Variants in SNTA1 observed in about 807,000 individuals in gnomAD.
SNTA1 encodes the protein syntrophin alpha 1, also known as alpha-1-syntrophin.
SNTA1 carries 31 observed loss-of-function variants against 47.1 expected under a neutral mutation model. The observed-to-expected ratio is 0.66, with a 90% CI of 0.49 to 0.89. The LOEUF (loss-of-function observed/expected upper bound fraction) is 0.89, where lower values mean the gene tolerates loss of function less well. Ranked by LOEUF, SNTA1 falls within the 40% of genes least tolerant of loss-of-function variation. SNTA1 has a pLI of 0.00. For missense variants in SNTA1, 575 were observed against 693.0 expected (o/e 0.83, Z 1.91); for synonymous variants, 300 against 313.6 (o/e 0.96, Z 0.46).
At chr20:33,419,674 T>C (rs967498954) in intron 2 of SNTA1, among the ~76,000 whole-genome samples, 3 of 152,140 alleles carry the variant, frequency 2.0e-5, no homozygotes, top group Non-Finnish European at 4.4e-5. Flanking sequence ...TCCCCTCTTT[T>C]TCCTTTGCTA....
At position 33,410,191 on chromosome 20, in the gene SNTA1, C is replaced by G; in HGVS notation, c.1181G>C (p.Arg394Pro). 1 of 1,614,100 alleles carries G rather than the reference C, an allele frequency of 6.2e-7. No homozygotes were observed. The highest frequency in any genetic ancestry group is 1.1e-5 in the South Asian group (1 of 91,074). Residue 394 changes from arginine to proline, a missense_variant, in exon 6 of 8, where the codon CGC becomes CCC. By Grantham distance (103) the Arg-to-Pro change is moderately radical. Coordinates refer to ENST00000217381, the MANE Select transcript of SNTA1 (RefSeq NM_003098.3). ...ESPQELAAWT[R>P]QLVDGCHRAA... Reference sequence around the variant, plus strand: ...CCGGTGACAGCCATCCACAAGCTGGCGGGTCCAGGCAGCCAGCTCCTGCGG... The same window carrying G: ...CCGGTGACAGCCATCCACAAGCTGGGGGGTCCAGGCAGCCAGCTCCTGCGG...
chr20:33,411,180 T>C (rs1989732472), intron 5 of SNTA1, among the ~76,000 whole-genome samples: 1 of 152,088 alleles, frequency 6.6e-6, no homozygotes, highest in South Asian at 2.1e-4. Context: ...CGCCACAGAC[T>C]GCTGCTGACA....
rs1438933400 is a variant in SNTA1, at chr20:33,410,259, G to A, written c.1113C>T (p.Gly371=). 3.1e-6 allele frequency: 5 copies of A among 1,613,070 alleles called. No homozygotes were observed. Among genetic ancestry groups the A allele is most frequent in the East Asian group, 2.2e-5 (1 of 44,862 alleles). The change falls in exon 6 of 8, where the codon GGC becomes GGT. Residue 371 remains glycine, a synonymous_variant. Transcript: ENST00000217381. ...GGTGAGTGTCCACACCGTGACGCGTGCCCGTGCGCAGGGCAAAAGAGAGCT... is the reference window on the plus strand; with the variant it reads ...GGTGAGTGTCCACACCGTGACGCGTACCCGTGCGCAGGGCAAAAGAGAGCT... ...DAELSFALRT[G]TRHGVDTHLF...
chr20:33,428,658 C>T (rs1052845503), intron 2 of SNTA1, among the ~76,000 whole-genome samples: 3 of 151,912 alleles, frequency 2.0e-5, no homozygotes, highest in Non-Finnish European at 2.9e-5. Context: ...TGGGTACAGC[C>T]TTGAACTCCT....
chr20:33,412,681 A>G lies in SNTA1; in HGVS notation c.803T>C (p.Val268Ala). ...RSWATAIQAQ[V>A]NTLTPRVKDE... is the part of the protein sequence containing the mutation. The stretch of plus-strand genomic sequence containing the variant: ...CTTGACCCGCGGCGTCAGAGTATTG[A>G]CCTGGGCTTGGATGGCAGTCGCCCA... Residue 268 changes from valine to alanine, a missense_variant, in exon 4 of 8, where the codon GTC (valine) becomes GCC (alanine). Val to Ala is a moderately conservative substitution (Grantham distance 64, BLOSUM62 0). Transcript: ENST00000217381. The G allele has an allele frequency of 6.2e-7, 1 of 1,613,762 alleles. No individual in the cohort carries two copies. Among genetic ancestry groups the G allele is most frequent in the Non-Finnish European group, 8.5e-7 (1 of 1,179,990 alleles).
intron 2 of SNTA1, among the ~76,000 whole-genome samples, chr20:33,428,467 C>A (rs1395370093): frequency 6.6e-6 from 1 of 151,882 alleles, no homozygotes; most frequent in East Asian, 1.9e-4. Context: ...CTTACATGTT[C>A]TCAACTTATT....
Position 33,408,175 on chromosome 20 carries a change from G to A in SNTA1, c.*332C>T, listed in dbSNP as rs1016596743. 8.9e-5 allele frequency: 34 copies of A among 380,582 alleles called. No homozygotes were observed. Among genetic ancestry groups the A allele is most frequent in the Middle Eastern group, 8.1e-4 (1 of 1,232 alleles). The allele number at this position is 380,582 out of a possible 1,614,324, so 23.6% of individuals were successfully genotyped here. On this transcript the variant is annotated 3_prime_UTR_variant, in exon 8 of 8. Coordinates refer to ENST00000217381, the MANE Select transcript of SNTA1 (RefSeq NM_003098.3). ...TGGCTTAGGGGCCTCGAGGAGGCCC[G>A]GCAGCTCAGCTGTTGGCTGGGGTCA...
chr20:33,443,196 C>A lies in SNTA1; in HGVS notation c.310+115G>T, dbSNP rs1990621718. The A allele has an allele frequency of 3.9e-6, 3 of 770,524 alleles. No individual in the cohort carries two copies. The South Asian group carries it at 6.5e-5, about 17-fold the overall frequency. 47.7% of individuals were successfully genotyped at this position (770,524 alleles called of 1,614,324 possible). ...TCCGTTACCTGTTTCCTCAGACCCC[C>A]CTTACCCCCAGACAGGAAGCCTCCA... On this transcript the variant is annotated intron_variant, in intron 1 of 7. Coordinates refer to ENST00000217381, the MANE Select transcript of SNTA1 (RefSeq NM_003098.3).
chr20:33,414,846 C>T (rs1310159046), intron 3 of SNTA1, among the ~76,000 whole-genome samples: 1 of 152,206 alleles, frequency 6.6e-6, no homozygotes, highest in Non-Finnish European at 1.5e-5. Context: ...TGAGCATCTA[C>T]AGCAGCCTGA....
chr20:33,437,749 G>A (rs1233647297), intron 2 of SNTA1, among the ~76,000 whole-genome samples: 1 of 152,168 alleles, frequency 6.6e-6, no homozygotes, highest in African/African-American at 2.4e-5. Context: ...AGGCCCCCAC[G>A]GGGCTTCCAG....
chr20:33,414,583 G>A (rs934402885), intron 3 of SNTA1, among the ~76,000 whole-genome samples: 1 of 152,162 alleles, frequency 6.6e-6, no homozygotes, highest in Non-Finnish European at 1.5e-5. Context: ...GACAGAGCGA[G>A]ATCCCCCATC....
intron 1 of SNTA1, among the ~76,000 whole-genome samples, chr20:33,441,573 G>A (rs2146812015): frequency 6.6e-6 from 1 of 152,222 alleles, no homozygotes; most frequent in Middle Eastern, 3.4e-3. Context: ...CCTGAAACTA[G>A]GGGCTTCAGT....
intron 5 of SNTA1, among the ~76,000 whole-genome samples, chr20:33,410,949 CT>C (rs1989725770): frequency 6.6e-6 from 1 of 152,134 alleles, no homozygotes; most frequent in Non-Finnish European, 1.5e-5. Flanking sequence ...AGTCCAGGAC[CT>C]AGTTATCCCT....
chr20:33,408,844 C>T lies in SNTA1; in HGVS notation c.1282G>A (p.Asp428Asn), dbSNP rs773499608. The T allele has an allele frequency of 2.5e-6, 4 of 1,614,056 alleles. No homozygotes were observed. Among genetic ancestry groups the T allele is most frequent in the Admixed American group, 1.7e-5 (1 of 60,008 alleles). ...GRPCSLSVHIDKGFTLWAAEP... is the reference protein window; with the variant it reads ...GRPCSLSVHINKGFTLWAAEP... ...GCCGCCCACAGTGTGAAGCCCTTGT[C>T]GATGTGCACAGACAGGCTGCAGGGA... is the stretch of plus-strand genomic sequence containing the variant. The change falls in exon 7 of 8, where the codon GAC becomes AAC. Residue 428 changes from aspartate to asparagine, a missense_variant. Coordinates refer to ENST00000217381, the MANE Select transcript of SNTA1 (RefSeq NM_003098.3).
intron 1 of SNTA1, among the ~76,000 whole-genome samples, chr20:33,440,416 T>C (rs1990550622): frequency 6.6e-6 from 1 of 151,682 alleles, no homozygotes; most frequent in African/African-American, 2.4e-5. Flanking sequence ...GATTGCACCA[T>C]TGCACTCCAG....
chr20:33,412,883 A>G (rs927590344), intron 3 of SNTA1, 101 bp from the exon 4 acceptor site: 46 of 786,302 alleles, frequency 5.9e-5, no homozygotes, highest in Non-Finnish European at 3.0e-5. Flanking sequence ...AGGAGAAACC[A>G]GGGGGATGTC....
At chr20:33,415,698 G>A (rs1249828614) in intron 3 of SNTA1, among the ~76,000 whole-genome samples, 2 of 152,056 alleles carry the variant, frequency 1.3e-5, no homozygotes, top group Non-Finnish European at 2.9e-5. Flanking sequence ...GGCTGAGGCA[G>A]GAGAATTGCC....
intron 2 of SNTA1, among the ~76,000 whole-genome samples, chr20:33,425,717 G>A (rs971538621): frequency 2.6e-5 from 4 of 151,786 alleles, no homozygotes; most frequent in Admixed American, 6.6e-5. Context: ...TTGTAATAAC[G>A]TCCTTGCTCT....
chr20:33,442,576 C>T (rs970156580), intron 1 of SNTA1, among the ~76,000 whole-genome samples: 3 of 152,172 alleles, frequency 2.0e-5, no homozygotes, highest in Non-Finnish European at 4.4e-5. Flanking sequence ...CTCTGTCATC[C>T]TCTTATACAG....
Sources: gnomAD v4.1 joint callset for allele counts (sites outside exome capture counted in the v4.1 genomes callset) on GRCh38, gnomAD v4.1.1 for gene constraint, MANE v1.5 for transcripts, NCBI Gene and HGNC (gene_info 2026-07-23, HGNC 2026-07-21) for gene names.